TNPO3: variants seen among roughly 807,000 people sequenced by gnomAD.
TNPO3 encodes transportin-3.
TNPO3 carries 65 observed loss-of-function variants against 122.8 expected under a neutral mutation model. The observed-to-expected ratio is 0.53, with a 90% CI of 0.43 to 0.65. The LOEUF (loss-of-function observed/expected upper bound fraction) is 0.65. Ranked by LOEUF, TNPO3 falls within the 30% of genes least tolerant of loss-of-function variation. The probability of loss-of-function intolerance (pLI) is 0.00; values close to 1 mark genes in which losing one functional copy is unlikely to be tolerated. For synonymous variants in TNPO3, 372 were observed against 411.2 expected (o/e 0.90, Z 1.15); for missense variants, 850 against 1,136.7 (o/e 0.75, Z 3.63).
Position 128,986,824 on chromosome 7 carries a change from T to G in TNPO3, c.1595A>C (p.Asp532Ala). 6.2e-7 allele frequency: 1 copy of G among 1,614,092 alleles called. No individual in the cohort carries two copies. Among genetic ancestry groups the G allele is most frequent in the South Asian group, 1.1e-5 (1 of 91,072 alleles). The change falls in exon 12 of 23, where the codon GAT becomes GCT. Residue 532 changes from aspartate to alanine, a missense_variant. Coordinates refer to ENST00000265388, the MANE Select transcript of TNPO3 (RefSeq NM_012470.4). ...TCCATTAAAGTGCTGAGCCATGTGA[T>G]CTCGGCAGACAGAGCAAATGTTATG... The part of the protein sequence containing the change: ...AIHNICSVCR[D>A]HMAQHFNGLL...
chr7:129,040,676 T>C (rs10267493), intron 1 of TNPO3, among the ~76,000 whole-genome samples: 2,075 of 152,294 alleles, frequency 0.014, 34 homozygotes, highest in African/African-American at 0.047. Flanking sequence ...GTTTGGGTTT[T>C]TTTTTAACCT....
chr7:128,977,484 A>C (rs192825612), intron 16 of TNPO3, among the ~76,000 whole-genome samples: 1 of 152,358 alleles, frequency 6.6e-6, no homozygotes, highest in East Asian at 1.9e-4. Context: ...CAAATCTATA[A>C]TTTAGAGAGG....
At chr7:129,026,706 T>G (rs1805223112) in intron 1 of TNPO3, among the ~76,000 whole-genome samples, 1 of 151,920 alleles carries the variant, frequency 6.6e-6, no homozygotes, top group South Asian at 2.1e-4. Flanking sequence ...ACCTGGCTGT[T>G]TGAATATTTT....
rs1164392026 is a variant in TNPO3, at chr7:129,018,116, C to T, written c.162G>A (p.Arg54=). The T allele has an allele frequency of 1.2e-6, 2 of 1,614,124 alleles. No homozygotes were observed. The highest frequency in any genetic ancestry group is 1.3e-5 in the African/African-American group (1 of 75,016). Residue 54 remains arginine (R), a synonymous_variant, in exon 2 of 23, where the codon CGG becomes CGA. Transcript: ENST00000265388. ...CAAAATAGCATGACTCCACATCCTG[C>T]CGGATCTGTAACAACTGGTCTGAGA... The part of the protein sequence containing the change: ...WEISDQLLQI[R]QDVESCYFAA...
rs751792927 is a variant in TNPO3 at position 128,957,193 on chromosome 7, C to T, written c.*31+31G>A. On this transcript the variant is annotated intron_variant, in intron 22 of 22. Transcript: ENST00000265388. Reference sequence around the variant, plus strand: ...AGGCATCCCCAACAGTCCGACAGTCCGGACAAAAGCTGGGAACTATGTATC... The same window carrying T: ...AGGCATCCCCAACAGTCCGACAGTCTGGACAAAAGCTGGGAACTATGTATC... 5.9e-5 allele frequency: 94 copies of T among 1,592,664 alleles called. No homozygotes were observed. In the East Asian group the frequency reaches 6.0e-4, roughly 10 times the overall value.
intron 4 of TNPO3, among the ~76,000 whole-genome samples, chr7:129,010,573 C>A (rs1048940005): frequency 3.3e-5 from 5 of 152,162 alleles, no homozygotes; most frequent in African/African-American, 9.7e-5. Context: ...AAGCTACCAT[C>A]ACACAAACTA....
rs1326573780 is a variant in TNPO3 at position 129,001,184 on chromosome 7, T to C, written c.747A>G (p.Val249=). The part of the protein sequence containing the change: ...SNLHEAASDC[V]CSALYAIENV... ...TCTCAATGGCATAGAGAGCTGAGCA[T>C]ACACAGTCCGAAGCAGCTTCATGTA... Residue 249 remains valine, a synonymous_variant, in exon 6 of 23, where the codon GTA becomes GTG. Coordinates refer to ENST00000265388, the MANE Select transcript of TNPO3 (RefSeq NM_012470.4). 5 of 1,613,984 alleles carry C rather than the reference T, an allele frequency of 3.1e-6. No individual in the cohort carries two copies. The highest frequency in any genetic ancestry group is 1.6e-4 in the Middle Eastern group (1 of 6,084).
rs1331457425 is a variant in TNPO3 at position 128,974,961 on chromosome 7, G to T, written c.2180C>A (p.Ala727Glu). Residue 727 changes from alanine to glutamate, a missense_variant and splice_region_variant, in exon 18 of 23, where the codon GCA becomes GAA. Ala to Glu is a moderately radical substitution (Grantham distance 107, BLOSUM62 -1). Transcript: ENST00000265388. The stretch of plus-strand genomic sequence containing the variant: ...GAGCTGAAAGGTGGGGATGCACAGT[G>T]CCTAAAACAAAACAGTGATTTTAAA... ...CRQGLLDMLQ[A>E]LCIPTFQLLE... 6.2e-7 allele frequency: 1 copy of T among 1,613,350 alleles called. No individual in the cohort carries two copies. The highest frequency in any genetic ancestry group is 8.5e-7 in the Non-Finnish European group (1 of 1,179,358).
chr7:128,972,311 T>C, intron 19 of TNPO3, 115 bp downstream of exon 19: 1 of 1,188,952 alleles, frequency 8.4e-7, no homozygotes, highest in Non-Finnish European at 1.2e-6. Flanking sequence ...ATGATATATG[T>C]CTACCAATAT....
intron 5 of TNPO3, 111 bp from the exon 6 acceptor site, chr7:129,001,345 A>C (rs925459450): frequency 6.0e-6 from 5 of 827,762 alleles, no homozygotes; most frequent in Non-Finnish European, 9.0e-6. Context: ...AAATATTCAA[A>C]ATATAAGTAA....
chr7:128,977,492 A>C (rs1255377115), intron 16 of TNPO3, among the ~76,000 whole-genome samples: 3 of 152,230 alleles, frequency 2.0e-5, no homozygotes, highest in African/African-American at 7.2e-5. Flanking sequence ...TAATTTAGAG[A>C]GGCAAGGTTA....
In TNPO3 at chr7:128,975,920, G is replaced by C. The variant is rs1799010201; in HGVS notation, c.2077C>G (p.His693Asp). The stretch of plus-strand genomic sequence containing the variant: ...AGGAAGCAGGAATGCTGATGTACGT[G>C]GTACACATTCACCATCTGTTGAGGG... Reference protein sequence around the residue: ...PLVTQMVNVYHVHQHSCFLYL... With the variant: ...PLVTQMVNVYDVHQHSCFLYL... Residue 693 changes from histidine (H) to aspartate (D), a missense_variant, in exon 17 of 23, where the codon CAC (histidine) becomes GAC (aspartate). Physicochemically the swap from His to Asp is moderately conservative, Grantham distance 81 (BLOSUM62 -1). Transcript: ENST00000265388. 1 of 1,611,832 alleles carries C rather than the reference G, an allele frequency of 6.2e-7. No individual in the cohort carries two copies. Among genetic ancestry groups the C allele is most frequent in the Non-Finnish European group, 8.5e-7 (1 of 1,178,096 alleles).
intron 5 of TNPO3, among the ~76,000 whole-genome samples, chr7:129,003,041 A>G (rs1160054450): frequency 1.1e-5 from 1 of 92,842 alleles, no homozygotes; most frequent in African/African-American, 3.1e-5. Flanking sequence ...CTCCCTCTCA[A>G]AAAAAAAAAA....
At chr7:129,046,201 A>AAC (rs1475364927) in intron 1 of TNPO3, among the ~76,000 whole-genome samples, 1 of 146,288 alleles carries the variant, frequency 6.8e-6, no homozygotes, top group African/African-American at 2.7e-5. Context: ...GTCTCAAAAA[A>AAC]AAAAAAAAAA....
chr7:129,031,445 T>C (rs1179404841), intron 1 of TNPO3, among the ~76,000 whole-genome samples: 1 of 152,150 alleles, frequency 6.6e-6, no homozygotes, highest in East Asian at 1.9e-4. Context: ...TTGAATAACT[T>C]ACATGAAATA....
rs34186175 is a variant in TNPO3, at chr7:129,051,357, CTT to C, written c.120+3292_120+3293del. ...AATCAGTGATTTGGAGGTGTGGTGACTTTTTTTTTTTTTTTGTACAATCTTGC... is the reference window on the plus strand; with the variant it reads ...AATCAGTGATTTGGAGGTGTGGTGACTTTTTTTTTTTTTGTACAATCTTGC... On this transcript the variant is annotated intron_variant, in intron 1 of 22. Coordinates refer to ENST00000265388, the MANE Select transcript of TNPO3 (RefSeq NM_012470.4). Among the ~76,000 whole-genome samples, 144 of 138,432 alleles carry C rather than the reference CTT, an allele frequency of 1.0e-3. 1 individual carries two copies. The highest frequency in any genetic ancestry group is 1.3e-3 in the Admixed American group (18 of 14,036). The allele number at this position is 138,432 out of a possible 152,430, so 90.8% of individuals were successfully genotyped here.
intron 22 of TNPO3, among the ~76,000 whole-genome samples, chr7:128,955,778 T>C (rs1346954143): frequency 1.3e-5 from 2 of 152,132 alleles, no homozygotes. Context: ...TAATAACAGT[T>C]GAAAACAAAA....
chr7:128,986,449 C>G (rs1411300366), intron 12 of TNPO3, among the ~76,000 whole-genome samples: 1 of 152,074 alleles, frequency 6.6e-6, no homozygotes, highest in Non-Finnish European at 1.5e-5. Flanking sequence ...AAAAAGCAGC[C>G]GTGTTTAGTT....
chr7:128,983,669 G>T (rs1799865129), intron 13 of TNPO3, among the ~76,000 whole-genome samples: 1 of 152,136 alleles, frequency 6.6e-6, no homozygotes, highest in Admixed American at 6.5e-5. Context: ...CAAGCTTTTT[G>T]TTCCTTTAAC....
Sources: gnomAD v4.1 joint callset for allele counts (sites outside exome capture counted in the v4.1 genomes callset) on GRCh38, gnomAD v4.1.1 for gene constraint, MANE v1.5 for transcripts, NCBI Gene and HGNC (gene_info 2026-07-23, HGNC 2026-07-21) for gene names.